Variants in SENP7 observed in about 807,000 individuals in gnomAD.
SENP7 encodes the protein sentrin-specific protease 7.
In SENP7, 64 loss-of-function variants were observed where a neutral mutation model predicts 141.2. The observed-to-expected ratio is 0.45, with a 90% CI of 0.37 to 0.56. The LOEUF is 0.56. Among genes scored for constraint, SENP7 ranks in the 20% least tolerant of loss-of-function variants. The pLI is 0.00. For missense variants in SENP7, 1,025 were observed against 1,212.2 expected, an observed-to-expected ratio of 0.85 and a Z score of 2.29; for synonymous variants, 382 against 426.4, an observed-to-expected ratio of 0.90 and a Z score of 1.28.
chr3:101,488,797 G>A (rs2064837774), intron 3 of SENP7, among the ~76,000 whole-genome samples: 3 of 152,160 alleles, frequency 2.0e-5, no homozygotes, highest in African/African-American at 4.8e-5. Context: ...AGCCAAGATC[G>A]CACCACTGTA....
chr3:101,455,864 A>T, intron 4 of SENP7, among the ~76,000 whole-genome samples: 1 of 152,144 alleles, frequency 6.6e-6, no homozygotes, highest in Non-Finnish European at 1.5e-5. Context: ...TAGATATCCT[A>T]ACCATCCCAT....
chr3:101,427,627 T>G (rs1294340542), intron 4 of SENP7, among the ~76,000 whole-genome samples: 1 of 152,134 alleles, frequency 6.6e-6, no homozygotes, highest in Non-Finnish European at 1.5e-5. Flanking sequence ...TCAGGTACAA[T>G]GCATCAGCAC....
At chr3:101,390,685 A>C (rs555903800) in intron 6 of SENP7, among the ~76,000 whole-genome samples, 2 of 152,334 alleles carry the variant, frequency 1.3e-5, no homozygotes, top group African/African-American at 4.8e-5. Flanking sequence ...TCAGCAGTGG[A>C]CAGATCATCA....
chr3:101,328,319 A>G (rs560705661), intron 22 of SENP7, among the ~76,000 whole-genome samples, 159 bp downstream of exon 22: 1 of 152,096 alleles, frequency 6.6e-6, no homozygotes, highest in Admixed American at 6.5e-5. Context: ...GAATATTAAC[A>G]GAATAGAAGA....
intron 11 of SENP7, among the ~76,000 whole-genome samples, chr3:101,360,876 G>A (rs1413912028): frequency 6.6e-6 from 1 of 152,088 alleles, no homozygotes; most frequent in Non-Finnish European, 1.5e-5. Context: ...TTTAAAAGAT[G>A]ATTAGGATTT....
chr3:101,453,587 A>G (rs1375887864), intron 4 of SENP7, among the ~76,000 whole-genome samples: 1 of 152,046 alleles, frequency 6.6e-6, no homozygotes, highest in Non-Finnish European at 1.5e-5. Flanking sequence ...GAAGCTGGAA[A>G]CCATCATTCT....
chr3:101,392,000 A>G (rs963174806), intron 6 of SENP7, among the ~76,000 whole-genome samples: 1 of 152,214 alleles, frequency 6.6e-6, no homozygotes, highest in Admixed American at 6.5e-5. Context: ...CAAAAAAAGC[A>G]TTTGATAATA....
intron 4 of SENP7, among the ~76,000 whole-genome samples, chr3:101,449,318 C>T (rs566074503): frequency 4.3e-4 from 66 of 152,314 alleles, no homozygotes; most frequent in African/African-American, 1.5e-3. Context: ...TCCAGGAGAA[C>T]TTCCCCAATC....
intron 6 of SENP7, among the ~76,000 whole-genome samples, chr3:101,391,599 G>A (rs1362891693): frequency 6.6e-6 from 1 of 152,042 alleles, no homozygotes; most frequent in Admixed American, 6.6e-5. Context: ...GTAATAAAAG[G>A]TCTATCAACA....
intron 4 of SENP7, among the ~76,000 whole-genome samples, chr3:101,455,386 C>G (rs2063316168): frequency 6.6e-6 from 1 of 152,132 alleles, no homozygotes. Flanking sequence ...TTAGGCTTAG[C>G]CTAATGCCTA....
At chr3:101,502,023 C>A (rs1312670189) in intron 1 of SENP7, among the ~76,000 whole-genome samples, 1 of 152,166 alleles carries the variant, frequency 6.6e-6, no homozygotes, top group East Asian at 1.9e-4. Flanking sequence ...AAAAACAAAG[C>A]ATCTAGATTT....
chr3:101,367,537 G>T (rs1351283983), intron 8 of SENP7, among the ~76,000 whole-genome samples: 1 of 151,836 alleles, frequency 6.6e-6, no homozygotes, highest in Non-Finnish European at 1.5e-5. Flanking sequence ...TAAAGAAAAA[G>T]AAAAGTCTGA....
At chr3:101,483,181 A>G (rs1262313220) in intron 3 of SENP7, among the ~76,000 whole-genome samples, 3 of 152,196 alleles carry the variant, frequency 2.0e-5, no homozygotes, top group Non-Finnish European at 4.4e-5. Flanking sequence ...TAGCAAAGAC[A>G]TGGAATCAAC....
chr3:101,350,216 A>C (rs977127891), intron 12 of SENP7, among the ~76,000 whole-genome samples: 2 of 152,180 alleles, frequency 1.3e-5, no homozygotes, highest in Non-Finnish European at 2.9e-5. Flanking sequence ...TGTGCCCCCG[A>C]TGACCAAGGA....
intron 3 of SENP7, among the ~76,000 whole-genome samples, chr3:101,469,591 G>A (rs1282178364): frequency 3.4e-5 from 4 of 116,692 alleles, no homozygotes; most frequent in Middle Eastern, 4.2e-3. Flanking sequence ...TTGGGAGGCC[G>A]AGGCGGGTGG....
At chr3:101,449,980 G>C (rs2063062310) in intron 4 of SENP7, among the ~76,000 whole-genome samples, 1 of 152,134 alleles carries the variant, frequency 6.6e-6, no homozygotes, top group Non-Finnish European at 1.5e-5. Context: ...TTCACGTGCA[G>C]AGACACACAT....
intron 3 of SENP7, among the ~76,000 whole-genome samples, chr3:101,468,772 C>T (rs2063860618): frequency 6.6e-6 from 1 of 152,094 alleles, no homozygotes; most frequent in Non-Finnish European, 1.5e-5. Flanking sequence ...TTGTAAACAC[C>T]ACCAGTGCTA....
intron 3 of SENP7, among the ~76,000 whole-genome samples, chr3:101,490,044 T>C (rs1405561982): frequency 1.3e-5 from 2 of 151,614 alleles, no homozygotes; most frequent in African/African-American, 4.8e-5. Flanking sequence ...ACTAGCCCGA[T>C]GTGGTGGTGC....
chr3:101,368,065 T>TCTATAC, intron 7 of SENP7, 54 bp from the exon 8 acceptor site: 2 of 1,425,162 alleles, frequency 1.4e-6, no homozygotes, highest in Non-Finnish European at 1.9e-6. Flanking sequence ...AGAGAATCTC[T>TCTATAC]TTTAGAAAAG....
Sources: allele counts gnomAD v4.1 joint callset (sites outside exome capture counted in the v4.1 genomes callset), GRCh38; gene constraint gnomAD v4.1.1; transcripts MANE v1.5; gene names NCBI Gene and HGNC (gene_info 2026-07-23, HGNC 2026-07-21).